The following AFDN variants were observed in gnomAD, a reference collection of about 807,000 sequenced individuals.
The protein encoded by AFDN is afadin, adherens junction formation factor, also known as afadin.
Under a neutral mutation model 216.6 loss-of-function variants are expected in AFDN, and 68 were observed. The observed-to-expected ratio is 0.31, with a 90% CI of 0.26 to 0.38. The LOEUF (loss-of-function observed/expected upper bound fraction) is 0.38, where lower values mean the gene tolerates loss of function less well. Ranked by LOEUF, AFDN falls within the 10% of genes least tolerant of loss-of-function variation. AFDN has a pLI of 1.00. For missense variants in AFDN, 2,136 were observed against 2,342.0 expected (o/e 0.91, Z 1.82); for synonymous variants, 868 against 853.7 (o/e 1.02, Z -0.29).
At chr6:167,834,397 C>T (rs1391639958) in intron 1 of AFDN, among the ~76,000 whole-genome samples, 2 of 151,050 alleles carry the variant, frequency 1.3e-5, no homozygotes, top group African/African-American at 4.9e-5. Context: ...GTCTCCAGTC[C>T]CATCCAGGTT....
chr6:167,889,361 T>A, intron 7 of AFDN, 35 bp downstream of exon 7: 1 of 1,418,486 alleles, frequency 7.0e-7, no homozygotes, highest in Non-Finnish European at 1.0e-6. Context: ...TTACACCAGA[T>A]TCCTATGTGA....
In AFDN at chr6:167,947,519, G is replaced by T. The variant is rs530378826; in HGVS notation, c.3554-334G>T. 2.0e-5 allele frequency among the ~76,000 whole-genome samples: 3 copies of T among 152,290 alleles called. No individual in the cohort carries two copies. The East Asian group carries it at 5.8e-4, about 29-fold the overall frequency. ...TTTAAAGGGTTGTTAACAAAGAGAA[G>T]AAGAAATAATAGAAGGATATGCAGC... On this transcript the variant is annotated intron_variant, in intron 27 of 33. Transcript: ENST00000683244.
intron 1 of AFDN, among the ~76,000 whole-genome samples, chr6:167,835,309 G>A (rs1211639665): frequency 3.3e-5 from 5 of 152,294 alleles, no homozygotes; most frequent in South Asian, 2.1e-4. Context: ...ATAAGCTTGC[G>A]TTATTCATTT....
rs1161060223 is a variant in AFDN at position 167,889,194 on chromosome 6, T to A, written c.898-21T>A. The stretch of plus-strand genomic sequence containing the variant: ...TTAGTTACTTTGGCACATTCATAGT[T>A]AATTATTTTTGTTTTTTTAGGTTAT... On this transcript the variant is annotated intron_variant, in intron 6 of 33. Transcript: ENST00000683244. 2.6e-6 allele frequency: 4 copies of A among 1,536,572 alleles called. No homozygotes were observed. The Admixed American group carries it at 6.7e-5, about 26-fold the overall frequency.
intron 28 of AFDN, 100 bp from the exon 29 acceptor site, chr6:167,948,193 A>G (rs1795551512): frequency 9.8e-6 from 10 of 1,017,762 alleles, no homozygotes; most frequent in Non-Finnish European, 1.4e-5. Flanking sequence ...TGCAGTATTT[A>G]ACATATACTA....
At chr6:167,828,964 A>C (rs1281263102) in intron 1 of AFDN, among the ~76,000 whole-genome samples, 1 of 152,114 alleles carries the variant, frequency 6.6e-6, no homozygotes, top group Admixed American at 6.5e-5. Context: ...TTTATTTCTT[A>C]GTGATATGAC....
At position 167,865,710 on chromosome 6, in the gene AFDN, G is replaced by C. The variant is rs142357526; in HGVS notation, c.301+964G>C. Reference sequence around the variant, plus strand: ...CTGTTTTAATAAAATACAGATTACAGTTGGTGCAGCAAATAAAGGATTTAT... The same window carrying C: ...CTGTTTTAATAAAATACAGATTACACTTGGTGCAGCAAATAAAGGATTTAT... On this transcript the variant is annotated intron_variant, in intron 2 of 33. Coordinates refer to ENST00000683244, the MANE Select transcript of AFDN (RefSeq NM_001386888.1). Among the ~76,000 whole-genome samples, 1,423 of 152,226 alleles carry C rather than the reference G, an allele frequency of 9.3e-3. 10 individuals carry two copies. Among genetic ancestry groups the C allele is most frequent in the South Asian group, 0.02 (98 of 4,830 alleles).
chr6:167,964,252 T>C, intron 31 of AFDN: 1 of 1,064,250 alleles, frequency 9.4e-7, no homozygotes, highest in Non-Finnish European at 1.1e-6. Context: ...TATAGAAAAA[T>C]GTGCCATTCA....
At chr6:167,917,258 C>T in intron 20 of AFDN, 26 bp downstream of exon 20, 1 of 1,565,440 alleles carries the variant, frequency 6.4e-7, no homozygotes, top group Non-Finnish European at 8.6e-7. Flanking sequence ...CACATTACCA[C>T]ACAGTGCGGG....
chr6:167,931,725 A>G (rs1793325968), intron 23 of AFDN, among the ~76,000 whole-genome samples: 1 of 152,012 alleles, frequency 6.6e-6, no homozygotes, highest in Non-Finnish European at 1.5e-5. Context: ...AATAGAGTGG[A>G]GGTATTTTTG....
At chr6:167,934,378 A>G (rs1346119646) in intron 23 of AFDN, among the ~76,000 whole-genome samples, 1 of 152,212 alleles carries the variant, frequency 6.6e-6, no homozygotes, top group Non-Finnish European at 1.5e-5. Context: ...ATTCATATAC[A>G]AAGTGAATTT....
At chr6:167,829,050 T>TA (rs1204819671) in intron 1 of AFDN, among the ~76,000 whole-genome samples, 3 of 152,162 alleles carry the variant, frequency 2.0e-5, no homozygotes, top group Non-Finnish European at 2.9e-5. Flanking sequence ...GCTTTGTACA[T>TA]ACACTGAAGC....
upstream of AFDN, chr6:167,826,744 C>T (rs867388273): frequency 1.1e-5 from 4 of 374,284 alleles, no homozygotes; most frequent in Admixed American, 3.5e-5. Flanking sequence ...GCGCGGGGCC[C>T]GCCCTCCGAC....
chr6:167,922,515 G>A (rs1791958027), intron 21 of AFDN, among the ~76,000 whole-genome samples: 1 of 152,150 alleles, frequency 6.6e-6, no homozygotes, highest in Non-Finnish European at 1.5e-5. Flanking sequence ...TATTCTGAAT[G>A]TTATTAAGGA....
chr6:167,964,572 T>C (rs1253913846), intron 31 of AFDN: 2 of 1,065,378 alleles, frequency 1.9e-6, no homozygotes, highest in Admixed American at 5.4e-5. Context: ...TCTTAAGAGT[T>C]TTCTCCCTCA....
At chr6:167,909,794 G>T (rs1169727504) in intron 13 of AFDN, among the ~76,000 whole-genome samples, 2 of 152,122 alleles carry the variant, frequency 1.3e-5, no homozygotes, top group Admixed American at 1.3e-4. Flanking sequence ...TTTTCATTAA[G>T]TTTGCGGAAG....
chr6:167,944,199 A>G (rs1795012370), intron 26 of AFDN, 140 bp downstream of exon 26: 1 of 653,244 alleles, frequency 1.5e-6, no homozygotes, highest in South Asian at 2.1e-5. Context: ...GCGCTTCAGC[A>G]TAGTGCCTGG....
chr6:167,847,141 C>A lies in AFDN; in HGVS notation c.106-17410C>A, dbSNP rs143962430. Among the ~76,000 whole-genome samples, 1,022 of 152,274 alleles carry A rather than the reference C, an allele frequency of 6.7e-3. 12 individuals carry two copies. Among genetic ancestry groups the A allele is most frequent in the Middle Eastern group, 0.051 (15 of 294 alleles). On this transcript the variant is annotated intron_variant, in intron 1 of 33. Transcript: ENST00000683244. The stretch of plus-strand genomic sequence containing the variant: ...AGACTTTCATGCTGACACATCCAGT[C>A]GTTTATCTTCTGATGCAGCAGCAGT...
In AFDN at chr6:167,925,028, T is replaced by C. The variant is rs1792329412; in HGVS notation, c.3036T>C (p.Pro1012=). Residue 1012 remains proline, a synonymous_variant, in exon 23 of 34, where the codon CCT becomes CCC. Coordinates refer to ENST00000683244, the MANE Select transcript of AFDN (RefSeq NM_001386888.1). The stretch of plus-strand genomic sequence containing the variant: ...AGGCTCAGCCTCTGAGGAAAGAACC[T>C]GAAATAATCACTGTGACCCTAAAAA... The part of the protein sequence containing the change: ...TELAQPLRKE[P]EIITVTLKKQ... The C allele has an allele frequency of 6.2e-7, 1 of 1,613,518 alleles. No individual in the cohort carries two copies. The highest frequency in any genetic ancestry group is 1.7e-5 in the Admixed American group (1 of 59,996).
Sources: allele counts gnomAD v4.1 joint callset (sites outside exome capture counted in the v4.1 genomes callset), GRCh38; gene constraint gnomAD v4.1.1; transcripts MANE v1.5; gene names NCBI Gene and HGNC (gene_info 2026-07-23, HGNC 2026-07-21).